Variants in SEC11A observed in about 807,000 individuals in gnomAD.
The protein encoded by SEC11A is SEC11 homolog A, signal peptidase complex subunit.
A neutral mutation model predicts 25.6 loss-of-function variants in SEC11A; 14 were observed. The observed-to-expected ratio is 0.55, with a 90% CI of 0.36 to 0.85. The LOEUF is 0.85. Among genes scored for constraint, SEC11A ranks in the 40% least tolerant of loss-of-function variants. The pLI, the probability that SEC11A is intolerant of heterozygous loss-of-function variation, is 0.01. For synonymous variants in SEC11A, 83 were observed against 76.4 expected (o/e 1.09, Z -0.45); for missense variants, 153 against 222.9 (o/e 0.69, Z 2.00).
chr15:84,681,167 A>G (rs1157139397), intron 3 of SEC11A, among the ~76,000 whole-genome samples: 2 of 152,250 alleles, frequency 1.3e-5, no homozygotes, highest in Non-Finnish European at 2.9e-5. Context: ...ATATTAAAAT[A>G]AATACACACT....
intron 3 of SEC11A, among the ~76,000 whole-genome samples, chr15:84,682,623 G>A (rs1436373642): frequency 1.3e-5 from 2 of 151,778 alleles, no homozygotes; most frequent in African/African-American, 4.8e-5. Context: ...TATTTTTTTT[G>A]TATTTTTAGT....
At chr15:84,683,768 G>A (rs1002354305) in intron 3 of SEC11A, among the ~76,000 whole-genome samples, 1 of 151,976 alleles carries the variant, frequency 6.6e-6, no homozygotes, top group South Asian at 2.1e-4. Flanking sequence ...CAGGTGATCC[G>A]CCCTCCTCGG....
At chr15:84,683,421 A>AAACAAACAAACT (rs1446789078) in intron 3 of SEC11A, among the ~76,000 whole-genome samples, 1 of 139,732 alleles carries the variant, frequency 7.2e-6, no homozygotes, top group African/African-American at 2.8e-5. Flanking sequence ...ACAAACAAAC[A>AAACAAACAAACT]AACTAACTAA....
intron 1 of SEC11A, among the ~76,000 whole-genome samples, chr15:84,698,742 T>G (rs957151720): frequency 6.6e-6 from 1 of 152,126 alleles, no homozygotes; most frequent in African/African-American, 2.4e-5. Context: ...CATAATAGCC[T>G]CAAACCGGAA....
At chr15:84,689,020 ACT>A (rs1356242505) in intron 2 of SEC11A, among the ~76,000 whole-genome samples, 1 of 138,928 alleles carries the variant, frequency 7.2e-6, no homozygotes, top group African/African-American at 2.6e-5. Flanking sequence ...ATACAGTGAG[ACT>A]CTGTCTCAAA....
chr15:84,691,600 T>G lies in SEC11A; in HGVS notation c.96A>C (p.Ala32=). 1 of 1,613,228 alleles carries G rather than the reference T, an allele frequency of 6.2e-7. No individual in the cohort carries two copies. The highest frequency in any genetic ancestry group is 1.1e-5 in the South Asian group (1 of 91,036). The stretch of plus-strand genomic sequence containing the variant: ...CCATTAACCCCTTCCAGATCATTAG[T>G]GCCGATGAGACAATCATTCCAAAAT... ...VLNFGMIVSS[A]LMIWKGLMVI... is the part of the protein sequence containing the mutation. Residue 32 remains alanine (A), a synonymous_variant, in exon 2 of 6, where the codon GCA becomes GCC. Transcript: ENST00000268220.
At chr15:84,677,726 G>C (rs1208932158) in intron 4 of SEC11A, among the ~76,000 whole-genome samples, 1 of 152,120 alleles carries the variant, frequency 6.6e-6, no homozygotes, top group Non-Finnish European at 1.5e-5. Flanking sequence ...GCCCGCCTCA[G>C]CCGCCCAAAG....
chr15:84,670,577 G>A (rs1400903041), intron 5 of SEC11A, 148 bp downstream of exon 5: 163 of 448,212 alleles, frequency 3.6e-4, no homozygotes, highest in Non-Finnish European at 2.0e-4. Context: ...ACGGGGTTTC[G>A]CTATGTTGCC....
intron 4 of SEC11A, chr15:84,673,546 C>T (rs1484841668): frequency 6.5e-6 from 1 of 154,168 alleles, no homozygotes; most frequent in Non-Finnish European, 1.4e-5. Context: ...TCCCCAAACT[C>T]CCATTCCATA....
At chr15:84,712,058 T>G (rs1273107718) in intron 1 of SEC11A, among the ~76,000 whole-genome samples, 1 of 151,824 alleles carries the variant, frequency 6.6e-6, no homozygotes, top group African/African-American at 2.4e-5. Flanking sequence ...TTGGGCAGAA[T>G]AGCGAGACTC....
At chr15:84,677,785 A>C (rs955814584) in intron 4 of SEC11A, among the ~76,000 whole-genome samples, 8 of 152,160 alleles carry the variant, frequency 5.3e-5, no homozygotes, top group Non-Finnish European at 1.2e-4. Context: ...GAATTTTTTC[A>C]AAAATTGTCC....
chr15:84,688,023 A>C (rs1470413674), intron 2 of SEC11A, among the ~76,000 whole-genome samples: 2 of 150,822 alleles, frequency 1.3e-5, no homozygotes, highest in Admixed American at 6.6e-5. Flanking sequence ...CTAGTCAAAG[A>C]AGCTTAAATC....
At chr15:84,703,737 G>A (rs1898015592) in intron 1 of SEC11A, among the ~76,000 whole-genome samples, 1 of 152,188 alleles carries the variant, frequency 6.6e-6, no homozygotes, top group Non-Finnish European at 1.5e-5. Context: ...ACAGCGACTT[G>A]GAGGGGACAT....
intron 1 of SEC11A, among the ~76,000 whole-genome samples, chr15:84,700,893 T>G (rs1897915448): frequency 7.0e-6 from 1 of 142,118 alleles, no homozygotes; most frequent in Non-Finnish European, 1.5e-5. Context: ...GGTAGCAGAG[T>G]CACTTGAACC....
intron 1 of SEC11A, among the ~76,000 whole-genome samples, chr15:84,699,920 T>C (rs1048716421): frequency 4.6e-5 from 7 of 151,972 alleles, no homozygotes; most frequent in African/African-American, 1.2e-4. Context: ...ACAGCTCTTA[T>C]GGCGTAAGAA....
At chr15:84,713,799 T>C (rs1898366609) in intron 1 of SEC11A, among the ~76,000 whole-genome samples, 1 of 152,156 alleles carries the variant, frequency 6.6e-6, no homozygotes, top group African/African-American at 2.4e-5. Flanking sequence ...CCCTTTTGAT[T>C]ATTGGAATGC....
chr15:84,697,000 T>C (rs1417071514), intron 1 of SEC11A, among the ~76,000 whole-genome samples: 2 of 144,874 alleles, frequency 1.4e-5, no homozygotes, highest in African/African-American at 2.6e-5. Flanking sequence ...CTGGGCAACA[T>C]AGTGAGATCC....
chr15:84,698,156 G>A (rs181505719), intron 1 of SEC11A, among the ~76,000 whole-genome samples: 2 of 152,046 alleles, frequency 1.3e-5, no homozygotes, highest in African/African-American at 4.8e-5. Context: ...GATAAAAGTT[G>A]ATAATAATTT....
At chr15:84,696,855 T>C (rs1430706966) in intron 1 of SEC11A, among the ~76,000 whole-genome samples, 1 of 152,130 alleles carries the variant, frequency 6.6e-6, no homozygotes, top group Non-Finnish European at 1.5e-5. Context: ...AGAAGTTACC[T>C]AATTAGACAT....
Sources: allele counts gnomAD v4.1 joint callset (sites outside exome capture counted in the v4.1 genomes callset), GRCh38; gene constraint gnomAD v4.1.1; transcripts MANE v1.5; gene names NCBI Gene and HGNC (gene_info 2026-07-23, HGNC 2026-07-21).